Variants in PITPNM3 observed in about 807,000 individuals in gnomAD.
PITPNM3 encodes the protein PITPNM family member 3.
A neutral mutation model predicts 102.0 loss-of-function variants in PITPNM3; 26 were observed. That is an observed-to-expected ratio of 0.25 (90% CI 0.19 to 0.35). The LOEUF is 0.35. Among genes scored for constraint, PITPNM3 ranks in the 10% least tolerant of loss-of-function variants. PITPNM3 has a pLI of 1.00. For missense variants in PITPNM3, 1,083 were observed against 1,346.1 expected (o/e 0.80, Z 3.06); for synonymous variants, 578 against 558.6 (o/e 1.03, Z -0.49).
chr17:6,484,104 C>T lies in PITPNM3; in HGVS notation c.351+112G>A, dbSNP rs998447949. ...GGACACAGACCCACCCAGGGTCACA[C>T]AGCAAGTCAGACGAAGAGCTGGAAG... On this transcript the variant is annotated intron_variant, in intron 5 of 19. Transcript: ENST00000262483. The T allele has an allele frequency of 8.9e-6, 11 of 1,232,528 alleles. No individual in the cohort carries two copies. In the Admixed American group the frequency reaches 1.5e-4, roughly 17 times the overall value. 76.3% of individuals were successfully genotyped at this position (1,232,528 alleles called of 1,614,324 possible).
At position 6,472,977 on chromosome 17, in the gene PITPNM3, C is replaced by T. The variant is rs145898535; in HGVS notation, c.1259-150G>A. On this transcript the variant is annotated intron_variant, in intron 10 of 19. Transcript: ENST00000262483. This position sits in a 1 kb window ranked among gnomAD's most constrained non-coding sequence, Gnocchi z 4.1. ...GCTCCCCACGGGAACAAAGCCATTA[C>T]GTTCAGTTTGTCTCCCCACCCAGGA... 13 of 997,748 alleles carry T rather than the reference C, an allele frequency of 1.3e-5. No individual in the cohort carries two copies. Among genetic ancestry groups the T allele is most frequent in the Middle Eastern group, 2.6e-4 (1 of 3,834 alleles). The allele number at this position is 997,748 out of a possible 1,614,324, so 61.8% of individuals were successfully genotyped here.
At chr17:6,528,538 A>AGTGTGAGTGTGTACATGCAAGT (rs34757772) in intron 2 of PITPNM3, among the ~76,000 whole-genome samples, 1 of 151,532 alleles carries the variant, frequency 6.6e-6, no homozygotes, top group Admixed American at 6.6e-5. Flanking sequence ...TGTACATGCA[A>AGTGTGAGTGTGTACATGCAAGT]GTGAGTGTGT....
rs1289291759 is a variant in PITPNM3 at position 6,457,794 on chromosome 17, C to T, written c.2491-72G>A. 5.1e-5 allele frequency: 79 copies of T among 1,541,066 alleles called. No individual in the cohort carries two copies. The highest frequency in any genetic ancestry group is 6.8e-5 in the Non-Finnish European group (78 of 1,142,370). On this transcript the variant is annotated intron_variant, in intron 18 of 19. Coordinates refer to ENST00000262483, the MANE Select transcript of PITPNM3 (RefSeq NM_031220.4). This position sits in a 1 kb window ranked among gnomAD's most constrained non-coding sequence, Gnocchi z 4.7. ...CCTGGAAAGCCTTCCCAGGCCAACC[C>T]CAGGGGGCCCCTGCTTGGGGACCCT...
chr17:6,534,392 C>G (rs922032273), intron 2 of PITPNM3, among the ~76,000 whole-genome samples: 1 of 152,196 alleles, frequency 6.6e-6, no homozygotes. Flanking sequence ...AACCAGAGAC[C>G]CCCAGAACCC....
chr17:6,515,287 A>C, intron 3 of PITPNM3, among the ~76,000 whole-genome samples: 1 of 151,280 alleles, frequency 6.6e-6, no homozygotes, highest in Non-Finnish European at 1.5e-5. Context: ...AATCCCAGCT[A>C]CTTGGGAGGC....
Position 6,455,227 on chromosome 17 carries a change from G to A in PITPNM3, c.*111C>T, listed in dbSNP as rs1023460881. On this transcript the variant is annotated 3_prime_UTR_variant, in exon 20 of 20. Coordinates refer to ENST00000262483, the MANE Select transcript of PITPNM3 (RefSeq NM_031220.4). Reference sequence around the variant, plus strand: ...TGGTCGGACACTGCTGGACAGACACGGGAGGGAAAAAGCAGGAAAACGCCT... The same window carrying A: ...TGGTCGGACACTGCTGGACAGACACAGGAGGGAAAAAGCAGGAAAACGCCT... 3.0e-6 allele frequency: 4 copies of A among 1,342,638 alleles called. No individual in the cohort carries two copies. In the South Asian group the frequency reaches 4.4e-5, roughly 15 times the overall value. 83.2% of individuals were successfully genotyped at this position (1,342,638 alleles called of 1,614,324 possible).
At chr17:6,484,315 T>C in intron 4 of PITPNM3, 23 bp from the exon 5 acceptor site, 1 of 1,570,864 alleles carries the variant, frequency 6.4e-7, no homozygotes, top group Non-Finnish European at 8.8e-7. Context: ...AGAGGGGAGC[T>C]CAGCATCTCC....
chr17:6,536,848 C>T (rs982263205), intron 2 of PITPNM3, among the ~76,000 whole-genome samples: 1 of 152,218 alleles, frequency 6.6e-6, no homozygotes, highest in South Asian at 2.1e-4. Flanking sequence ...GGTGACTTCC[C>T]AGAGTGGGGC....
At chr17:6,497,724 G>A (rs542209097) in intron 4 of PITPNM3, among the ~76,000 whole-genome samples, 3 of 152,252 alleles carry the variant, frequency 2.0e-5, no homozygotes, top group African/African-American at 7.2e-5. Context: ...GCCATGAGAC[G>A]ACCAGCATGG....
chr17:6,484,256 A>T lies in PITPNM3; in HGVS notation c.311T>A (p.Phe104Tyr). The change falls in exon 5 of 20, where the codon TTC becomes TAC. Residue 104 changes from phenylalanine (F) to tyrosine (Y), a missense_variant. Coordinates refer to ENST00000262483, the MANE Select transcript of PITPNM3 (RefSeq NM_031220.4). ...LYRVSLRRQRFPAQGSIEIHE... is the reference protein window; with the variant it reads ...LYRVSLRRQRYPAQGSIEIHE... ...GATCTCGATGCTTCCCTGGGCTGGG[A>T]ACCTCTGTCTTCTCAAGGAAACCCG... 2 of 1,612,446 alleles carry T rather than the reference A, an allele frequency of 1.2e-6. No individual in the cohort carries two copies. The highest frequency in any genetic ancestry group is 1.7e-6 in the Non-Finnish European group (2 of 1,178,492).
chr17:6,495,355 C>G (rs746675890), intron 4 of PITPNM3, among the ~76,000 whole-genome samples: 2 of 152,156 alleles, frequency 1.3e-5, no homozygotes, highest in Non-Finnish European at 2.9e-5. Context: ...TGTGGCAGAG[C>G]TTCCTGGCTT....
intron 3 of PITPNM3, among the ~76,000 whole-genome samples, chr17:6,504,354 C>T (rs912252584): frequency 6.6e-6 from 1 of 152,174 alleles, no homozygotes; most frequent in South Asian, 2.1e-4. Flanking sequence ...CCGTGCCTGC[C>T]TCTCACATGA....
chr17:6,484,119 A>G (rs1165159211), intron 5 of PITPNM3, 97 bp downstream of exon 5: 7 of 1,338,044 alleles, frequency 5.2e-6, no homozygotes, highest in Non-Finnish European at 7.4e-6. Context: ...AGTCAGACGA[A>G]GAGCTGGAAG....
chr17:6,508,610 A>C (rs114520635), intron 3 of PITPNM3, among the ~76,000 whole-genome samples: 2,064 of 152,244 alleles, frequency 0.014, 58 homozygotes, highest in African/African-American at 0.047. Context: ...GGACGGGAGC[A>C]GAGAAGGGGA....
chr17:6,478,918 G>C lies in PITPNM3; in HGVS notation c.588-182C>G. 1 of 635,480 alleles carries C rather than the reference G, an allele frequency of 1.6e-6. No individual in the cohort carries two copies. The highest frequency in any genetic ancestry group is 2.7e-6 in the Non-Finnish European group (1 of 369,058). The allele number at this position is 635,480 out of a possible 1,614,324, so 39.4% of individuals were successfully genotyped here. A position where few individuals can be genotyped will look rare whatever the true frequency, so the allele number is the denominator to read the frequency against. ...AGGCAGTGTGGGGAGGAGAGGGGAA[G>C]AGGATTCAAGCCTACACTGACTCCC... On this transcript the variant is annotated intron_variant, in intron 6 of 19. Coordinates refer to ENST00000262483, the MANE Select transcript of PITPNM3 (RefSeq NM_031220.4). This position sits in a 1 kb window ranked among gnomAD's most constrained non-coding sequence, Gnocchi z 4.4.
In PITPNM3 at chr17:6,478,500, G is replaced by C; in HGVS notation, c.777+47C>G. ...AGATTCCAGCCTCTCTCCCAGGCCGGGGCCGGAACAGGGGAGGGGAGAGGA... is the reference window on the plus strand; with the variant it reads ...AGATTCCAGCCTCTCTCCCAGGCCGCGGCCGGAACAGGGGAGGGGAGAGGA... On this transcript the variant is annotated intron_variant, in intron 7 of 19. Transcript: ENST00000262483. This position sits in a 1 kb window ranked among gnomAD's most constrained non-coding sequence, Gnocchi z 4.4. 1 of 1,604,216 alleles carries C rather than the reference G, an allele frequency of 6.2e-7. No individual in the cohort carries two copies. Among genetic ancestry groups the C allele is most frequent in the Non-Finnish European group, 8.5e-7 (1 of 1,172,006 alleles).
At chr17:6,502,166 C>T (rs1907222518) in intron 4 of PITPNM3, among the ~76,000 whole-genome samples, 1 of 152,204 alleles carries the variant, frequency 6.6e-6, no homozygotes, top group African/African-American at 2.4e-5. Flanking sequence ...AAAGGTTCTC[C>T]ATGTAGGGTG....
chr17:6,530,014 A>C (rs576108456), intron 2 of PITPNM3, among the ~76,000 whole-genome samples: 1 of 152,224 alleles, frequency 6.6e-6, no homozygotes, highest in Non-Finnish European at 1.5e-5. Flanking sequence ...GCCCAGGAAT[A>C]ATCACGCAGC....
intron 3 of PITPNM3, among the ~76,000 whole-genome samples, chr17:6,524,536 G>A (rs1054100860): frequency 4.6e-5 from 7 of 152,094 alleles, no homozygotes; most frequent in Non-Finnish European, 7.4e-5. Context: ...CTTCAGCCAC[G>A]TTGTCCGTTT....
Sources: allele counts gnomAD v4.1 joint callset (sites outside exome capture counted in the v4.1 genomes callset), GRCh38; gene constraint gnomAD v4.1.1; non-coding constraint Gnocchi (gnomAD v3.1); transcripts MANE v1.5; gene names NCBI Gene and HGNC (gene_info 2026-07-23, HGNC 2026-07-21).